The following CACNA1B variants were observed in gnomAD, a reference collection of about 807,000 sequenced individuals.
The protein encoded by CACNA1B is voltage-dependent N-type calcium channel subunit alpha-1B.
CACNA1B carries 70 observed loss-of-function variants against 247.2 expected under a neutral mutation model. That is an observed-to-expected ratio of 0.28 (90% CI 0.23 to 0.35). CACNA1B has a LOEUF of 0.35. CACNA1B is among the 10% of genes least tolerant of loss of function. The pLI, the probability that CACNA1B is intolerant of heterozygous loss-of-function variation, is 1.00. For missense variants in CACNA1B, 2,367 were observed against 3,197.4 expected, an observed-to-expected ratio of 0.74 and a Z score of 6.26; for synonymous variants, 1,231 against 1,294.4, an observed-to-expected ratio of 0.95 and a Z score of 1.05.
chr9:137,987,658 G>T lies in CACNA1B; in HGVS notation c.1974+804G>T, dbSNP rs1356299916. On this transcript the variant is annotated intron_variant, in intron 15 of 46. Coordinates refer to ENST00000371372, the MANE Select transcript of CACNA1B (RefSeq NM_000718.4). ...GATCCTACCCTTGGTCAGGGCTGGA[G>T]CCTACAACTTGTGTGAAGAGAGGGG... Among the ~76,000 whole-genome samples, 3 of 152,196 alleles carry T rather than the reference G, an allele frequency of 2.0e-5. No homozygotes were observed. In the South Asian group the frequency reaches 6.2e-4, roughly 32 times the overall value.
intron 18 of CACNA1B, among the ~76,000 whole-genome samples, chr9:138,022,071 T>C (rs907534351): frequency 2.6e-5 from 4 of 152,064 alleles, no homozygotes; most frequent in African/African-American, 7.2e-5. Flanking sequence ...GTGTGATGTG[T>C]GAATAGAGGA....
At position 138,035,665 on chromosome 9, in the gene CACNA1B, C is replaced by T. The variant is rs532821234; in HGVS notation, c.3287-8109C>T. ...CCACTTAAATGGTTTATCAATGCCC[C>T]AGTCTTTGTCTTTCTTGATCTTCTC... is the stretch of plus-strand genomic sequence containing the variant. On this transcript the variant is annotated intron_variant, in intron 20 of 46. Transcript: ENST00000371372. Among the ~76,000 whole-genome samples the T allele has an allele frequency of 5.3e-5, 8 of 152,184 alleles. No homozygotes were observed. In the East Asian group the frequency reaches 7.7e-4, roughly 15 times the overall value.
At chr9:137,897,793 C>T (rs906841869) in intron 3 of CACNA1B, among the ~76,000 whole-genome samples, 5 of 151,890 alleles carry the variant, frequency 3.3e-5, no homozygotes, top group Non-Finnish European at 1.5e-5. Flanking sequence ...CATTCTCCTG[C>T]CTCAGCCTCC....
At position 138,058,289 on chromosome 9, in the gene CACNA1B, TG is replaced by T. The variant is rs781460280; in HGVS notation, c.4308+42del. On this transcript the variant is annotated intron_variant, in intron 28 of 46. Coordinates refer to ENST00000371372, the MANE Select transcript of CACNA1B (RefSeq NM_000718.4). This position sits in a 1 kb window ranked among gnomAD's most constrained non-coding sequence, Gnocchi z 4.7. ...CTGTGGAGTCTTGCAGTGGACAGCG[TG>T]GGCAGCGCCATCAGGCTTCCCTCCT... 2.6e-6 allele frequency: 4 copies of T among 1,514,606 alleles called. No homozygotes were observed. The South Asian group carries it at 4.5e-5, about 17-fold the overall frequency. 93.8% of individuals were successfully genotyped at this position (1,514,606 alleles called of 1,614,324 possible).
chr9:138,049,701 T>C (rs954911749), intron 24 of CACNA1B, among the ~76,000 whole-genome samples: 1 of 152,218 alleles, frequency 6.6e-6, no homozygotes, highest in African/African-American at 2.4e-5. Context: ...CACCTTGACC[T>C]GCTCTGAGGC....
Position 138,047,392 on chromosome 9 carries a change from G to A in CACNA1B, c.3544-7G>A. The A allele has an allele frequency of 6.2e-7, 1 of 1,606,160 alleles. No individual in the cohort carries two copies. The highest frequency in any genetic ancestry group is 1.1e-5 in the South Asian group (1 of 90,872). ...GCCTTTGAGAATAACCTTCCTTTTG[G>A]TTTCAGGCTCTGAAATACCTGGATT... On this transcript the variant is annotated splice_region_variant and splice_polypyrimidine_tract_variant and intron_variant, in intron 22 of 46. Transcript: ENST00000371372.
chr9:138,087,384 C>CAAAAAAAAAAAAAAAAAAAGAA (rs1960727919), intron 36 of CACNA1B, among the ~76,000 whole-genome samples: 2 of 52,644 alleles, frequency 3.8e-5, no homozygotes, highest in Non-Finnish European at 7.9e-5. Flanking sequence ...GACTCTGTCT[C>CAAAAAAAAAAAAAAAAAAAGAA]AAAAAAAAAA....
At chr9:137,946,826 G>A (rs1345736431) in intron 6 of CACNA1B, among the ~76,000 whole-genome samples, 2 of 152,174 alleles carry the variant, frequency 1.3e-5, no homozygotes, top group Admixed American at 6.5e-5. Flanking sequence ...AAAATGAGAA[G>A]AAAAATAACT....
intron 35 of CACNA1B, among the ~76,000 whole-genome samples, chr9:138,076,403 C>T (rs1022637801): frequency 1.3e-5 from 2 of 152,186 alleles, no homozygotes; most frequent in Non-Finnish European, 2.9e-5. Flanking sequence ...CCCAAGGAAC[C>T]CAACTGACCA....
intron 3 of CACNA1B, among the ~76,000 whole-genome samples, chr9:137,898,062 T>G (rs1158193161): frequency 6.6e-6 from 1 of 152,198 alleles, no homozygotes; most frequent in Non-Finnish European, 1.5e-5. Context: ...TGATTTCCCC[T>G]CCATTCCCCA....
intron 42 of CACNA1B, among the ~76,000 whole-genome samples, chr9:138,116,786 G>A (rs1337449818): frequency 1.3e-5 from 2 of 152,220 alleles, no homozygotes; most frequent in Non-Finnish European, 2.9e-5. Context: ...TTAGGAGCCA[G>A]CTCCGGTTCT....
intron 36 of CACNA1B, among the ~76,000 whole-genome samples, chr9:138,095,133 T>A (rs763703974): frequency 6.6e-6 from 1 of 152,184 alleles, no homozygotes; most frequent in Non-Finnish European, 1.5e-5. Flanking sequence ...AAATTTAAAA[T>A]TTTTGTACGT....
intron 20 of CACNA1B, among the ~76,000 whole-genome samples, chr9:138,038,135 A>G (rs966574136): frequency 6.6e-6 from 1 of 152,190 alleles, no homozygotes; most frequent in South Asian, 2.1e-4. Context: ...CTAGAAGAAA[A>G]TTATTCTTGT....
chr9:137,922,094 C>T lies in CACNA1B; in HGVS notation c.966+4663C>T, dbSNP rs192637006. ...GGAGCAGAGTAAAGCGTTCGGAGAA[C>T]ATGATCAGCACCGCGATCACACAGC... On this transcript the variant is annotated intron_variant, in intron 6 of 46. Coordinates refer to ENST00000371372, the MANE Select transcript of CACNA1B (RefSeq NM_000718.4). 3.0e-3 allele frequency among the ~76,000 whole-genome samples: 452 copies of T among 149,530 alleles called. 2 individuals are homozygous for T. The highest frequency in any genetic ancestry group is 4.4e-3 in the Non-Finnish European group (295 of 67,726).
intron 37 of CACNA1B, 42 bp downstream of exon 37, chr9:138,096,653 A>T: frequency 6.3e-7 from 1 of 1,584,518 alleles, no homozygotes. Context: ...GGGGTGGTCC[A>T]TGCCCATAGA....
rs200379740 is a variant in CACNA1B, at chr9:137,984,227, G to A, written c.1746G>A (p.Leu582=). The A allele has an allele frequency of 2.6e-5, 41 of 1,596,088 alleles. No individual in the cohort carries two copies. The highest frequency in any genetic ancestry group is 1.7e-4 in the Middle Eastern group (1 of 6,060). The change falls in exon 13 of 47, where the codon CTG becomes CTA. Residue 582 remains leucine, a synonymous_variant. Transcript: ENST00000371372. Reference sequence around the variant, plus strand: ...TCAGTGTGCTGCGGGCCCTCCGCCTGCTGAGGATCTTCAAAGTCACGAAGT... The same window carrying A: ...TCAGTGTGCTGCGGGCCCTCCGCCTACTGAGGATCTTCAAAGTCACGAAGT... ...FGISVLRALR[L]LRIFKVTKYW...
chr9:138,022,129 C>A (rs562615618), intron 18 of CACNA1B, among the ~76,000 whole-genome samples: 1 of 152,300 alleles, frequency 6.6e-6, no homozygotes, highest in South Asian at 2.1e-4. Context: ...CCTTCGGTAG[C>A]CCATGCAGTG....
chr9:138,037,464 A>G (rs1018505866), intron 20 of CACNA1B, among the ~76,000 whole-genome samples: 1 of 152,154 alleles, frequency 6.6e-6, no homozygotes, highest in Non-Finnish European at 1.5e-5. Flanking sequence ...TTCGAGACCA[A>G]CCTGGCAAAC....
chr9:137,879,268 G>A, intron 2 of CACNA1B, 109 bp downstream of exon 2: 1 of 698,996 alleles, frequency 1.4e-6, no homozygotes, highest in Non-Finnish European at 2.5e-6. Flanking sequence ...CGTCTGGGCA[G>A]TGCCCCTCGC....
Sources: allele counts gnomAD v4.1 joint callset (sites outside exome capture counted in the v4.1 genomes callset), GRCh38; gene constraint gnomAD v4.1.1; non-coding constraint Gnocchi (gnomAD v3.1); transcripts MANE v1.5; gene names NCBI Gene and HGNC (gene_info 2026-07-23, HGNC 2026-07-21).